SCML2: variants seen among roughly 807,000 people sequenced by gnomAD.
SCML2 encodes Scm polycomb group protein like 2.
SCML2 carries 6 observed loss-of-function variants against 48.4 expected under a neutral mutation model. The ratio of observed to expected loss-of-function variants is 0.12; its 90% CI spans 0.07 to 0.24. The LOEUF (loss-of-function observed/expected upper bound fraction) is 0.24, where lower values mean the gene tolerates loss of function less well. Among genes scored for constraint, SCML2 ranks in the 10% least tolerant of loss-of-function variants. The pLI is 1.00. For synonymous variants in SCML2, 181 were observed against 189.5 expected, an observed-to-expected ratio of 0.95 and a Z score of 0.37; for missense variants, 377 against 528.2, an observed-to-expected ratio of 0.71 and a Z score of 2.81.
At chrX:18,278,974 G>A (rs766861221) in intron 7 of SCML2, among the ~76,000 whole-genome samples, 22 of 112,664 alleles carry the variant, frequency 2.0e-4, no homozygotes, top group Admixed American at 7.4e-4. Flanking sequence ...TCGGAGGGCC[G>A]GTCCAGAAGG....
intron 6 of SCML2, among the ~76,000 whole-genome samples, chrX:18,317,366 T>C (rs1929156437): frequency 8.9e-6 from 1 of 111,884 alleles, no homozygotes; most frequent in Non-Finnish European, 1.9e-5. Flanking sequence ...AATTCTAGGG[T>C]TAAATGAATT....
intron 4 of SCML2, 30 bp from the exon 5 acceptor site, chrX:18,324,123 T>C (rs745758037): frequency 7.5e-5 from 72 of 954,402 alleles, no homozygotes; most frequent in Non-Finnish European, 1.0e-4. Context: ...TTGGTTAAAA[T>C]GCATCAACTA....
chrX:18,307,742 G>A (rs1396126782), intron 6 of SCML2, among the ~76,000 whole-genome samples: 2 of 111,260 alleles, frequency 1.8e-5, no homozygotes, highest in South Asian at 3.8e-4. Context: ...TTGGAATGCC[G>A]AGGTGGGCAG....
In SCML2 at chrX:18,295,440, G is replaced by A. The variant is rs756282909; in HGVS notation, c.730+9532C>T. Among the ~76,000 whole-genome samples, 503 of 112,295 alleles carry A rather than the reference G, an allele frequency of 4.5e-3. 1 individual carries two copies. Among genetic ancestry groups the A allele is most frequent in the Non-Finnish European group, 8.0e-3 (428 of 53,213 alleles). ...GCTGTCATCTCAGCCAGCACCCACTGGCACATACCCGTTGGGGGCCTGAGG... is the reference window on the plus strand; with the variant it reads ...GCTGTCATCTCAGCCAGCACCCACTAGCACATACCCGTTGGGGGCCTGAGG... On this transcript the variant is annotated intron_variant, in intron 7 of 14. Transcript: ENST00000251900.
At chrX:18,284,823 C>A (rs1291757184) in intron 7 of SCML2, among the ~76,000 whole-genome samples, 2 of 111,956 alleles carry the variant, frequency 1.8e-5, no homozygotes, top group African/African-American at 3.2e-5. Flanking sequence ...GGTGGATCAC[C>A]TGAGGTCAGG....
chrX:18,299,289 G>A lies in SCML2; in HGVS notation c.730+5683C>T, dbSNP rs748372142. Among the ~76,000 whole-genome samples, 331 of 111,034 alleles carry A rather than the reference G, an allele frequency of 3.0e-3. 2 individuals carry two copies. The highest frequency in any genetic ancestry group is 0.01 in the African/African-American group (320 of 30,531). On this transcript the variant is annotated intron_variant, in intron 7 of 14. Transcript: ENST00000251900. ...AGCACTTTGGGAGGCCAAGGTGGGC[G>A]GATCACGAGGTCAGGAGATCGAGAC...
chrX:18,318,484 T>C (rs1047561993), intron 6 of SCML2, among the ~76,000 whole-genome samples: 5 of 113,005 alleles, frequency 4.4e-5, no homozygotes, highest in African/African-American at 1.6e-4. Flanking sequence ...TATTGTTTCT[T>C]AACATACTCT....
intron 7 of SCML2, among the ~76,000 whole-genome samples, chrX:18,286,133 T>C (rs1460029408): frequency 9.0e-6 from 1 of 111,559 alleles, no homozygotes; most frequent in Non-Finnish European, 1.9e-5. Flanking sequence ...ATTTTCCTCT[T>C]ATCACTTATT....
intron 7 of SCML2, 79 bp from the exon 8 acceptor site, chrX:18,265,881 T>C (rs1927243106): frequency 1.4e-6 from 1 of 709,844 alleles, no homozygotes; most frequent in Admixed American, 3.4e-5. Flanking sequence ...AAATAAGTTT[T>C]ACTCGACCTT....
At position 18,330,614 on chromosome X, in the gene SCML2, G is replaced by A; in HGVS notation, c.64C>T (p.Gln22Ter). 8.5e-7 allele frequency: 1 copy of A among 1,180,343 alleles called. No individual in the cohort carries two copies. Among genetic ancestry groups the A allele is most frequent in the Non-Finnish European group, 1.1e-6 (1 of 874,939 alleles). Residue 22 changes from glutamine to a stop codon, truncating the protein, a stop_gained, in exon 3 of 15, where the codon CAG (glutamine) becomes TAG (stop). Coordinates refer to ENST00000251900, the MANE Select transcript of SCML2 (RefSeq NM_006089.3). LOFTEE classifies it high-confidence loss of function. The stretch of plus-strand genomic sequence containing the variant: ...CTTTGTACAGAAGATGTACTTGACT[G>A]AGGAGTTTTCTCTTGATTCTCCTTC... Reference protein sequence around the residue: ...VKKENQEKTPQSSTSSVQRDD... With the variant: ...VKKENQEKTP
rs745989496 is a variant in SCML2 at position 18,279,028 on chromosome X, C to T, written c.731-13226G>A. 3.6e-5 allele frequency among the ~76,000 whole-genome samples: 4 copies of T among 112,502 alleles called. No individual in the cohort carries two copies. The South Asian group carries it at 1.5e-3, about 41-fold the overall frequency. On this transcript the variant is annotated intron_variant, in intron 7 of 14. Transcript: ENST00000251900. ...ACTGCAACCCCTGCCCGACAGGACA[C>T]CACAACCTGGAAAACCTAACAAAAG...
At chrX:18,321,438 T>C in intron 5 of SCML2, among the ~76,000 whole-genome samples, 1 of 110,317 alleles carries the variant, frequency 9.1e-6, no homozygotes. Flanking sequence ...GATGCATGCA[T>C]ACATTAAGAC....
chrX:18,339,584 C>T (rs781546579), intron 1 of SCML2, among the ~76,000 whole-genome samples: 24 of 111,201 alleles, frequency 2.2e-4, no homozygotes, highest in African/African-American at 6.5e-4. Context: ...CGTGGTACAG[C>T]ACACCTACAG....
chrX:18,333,840 T>G (rs1361287062), intron 2 of SCML2, among the ~76,000 whole-genome samples: 1 of 112,049 alleles, frequency 8.9e-6, no homozygotes, highest in Admixed American at 9.5e-5. Context: ...CCTTAACCTC[T>G]CTAAGTTTCA....
chrX:18,331,406 C>G (rs181579755), intron 2 of SCML2, among the ~76,000 whole-genome samples: 1 of 109,486 alleles, frequency 9.1e-6, no homozygotes, highest in East Asian at 2.9e-4. Flanking sequence ...CTACAATACA[C>G]TGTAATTCAA....
At chrX:18,271,892 G>A (rs1316407866) in intron 7 of SCML2, among the ~76,000 whole-genome samples, 2 of 110,432 alleles carry the variant, frequency 1.8e-5, no homozygotes, top group South Asian at 3.9e-4. Flanking sequence ...GCTGCCCAAT[G>A]CCTCTGCTTG....
At chrX:18,274,077 C>T (rs967761707) in intron 7 of SCML2, among the ~76,000 whole-genome samples, 3 of 112,011 alleles carry the variant, frequency 2.7e-5, no homozygotes, top group Non-Finnish European at 3.8e-5. Context: ...GCCACAAGTG[C>T]GAGTGCAAAA....
chrX:18,299,793 A>T (rs182938207), intron 7 of SCML2, among the ~76,000 whole-genome samples: 2 of 107,836 alleles, frequency 1.9e-5, no homozygotes, highest in South Asian at 8.2e-4. Context: ...GCTGTAGTGC[A>T]GTGACATGAA....
At chrX:18,351,023 C>T (rs1049069340) in intron 1 of SCML2, among the ~76,000 whole-genome samples, 2 of 110,652 alleles carry the variant, frequency 1.8e-5, no homozygotes, top group African/African-American at 6.6e-5. Flanking sequence ...AATCCCAGCA[C>T]TTTGGGAGGC....
Sources: gnomAD v4.1 joint callset for allele counts (sites outside exome capture counted in the v4.1 genomes callset) on GRCh38, gnomAD v4.1.1 for gene constraint, MANE v1.5 for transcripts, NCBI Gene and HGNC (gene_info 2026-07-23, HGNC 2026-07-21) for gene names.